AMPD3: variants seen among roughly 807,000 people sequenced by gnomAD.
AMPD3 encodes adenosine monophosphate deaminase 3.
AMPD3 carries 57 observed loss-of-function variants against 82.3 expected under a neutral mutation model. That is an observed-to-expected ratio of 0.69 (90% CI 0.56 to 0.86). The LOEUF is 0.86. Ranked by LOEUF, AMPD3 falls within the 40% of genes least tolerant of loss-of-function variation. AMPD3 has a pLI of 0.00. For synonymous variants in AMPD3, 381 were observed against 394.7 expected (o/e 0.97, Z 0.41); for missense variants, 870 against 1,003.8 (o/e 0.87, Z 1.80).
At chr11:10,500,275 G>A (rs1310269317) in intron 11 of AMPD3, 26 bp downstream of exon 11, 3 of 1,613,840 alleles carry the variant, frequency 1.9e-6, no homozygotes, top group East Asian at 2.2e-5. Context: ...CCTCGCACAT[G>A]CTTGGGTTCA....
chr11:10,502,302 C>T, intron 12 of AMPD3: 1 of 985,430 alleles, frequency 1.0e-6, no homozygotes, highest in South Asian at 4.7e-5. Flanking sequence ...CTCCCAGGAG[C>T]TGGAGTGTTT....
intron 11 of AMPD3, 194 bp downstream of exon 11, chr11:10,500,443 T>G: frequency 1.8e-6 from 1 of 548,686 alleles, no homozygotes; most frequent in Non-Finnish European, 2.3e-6. Context: ...CTCCACATGA[T>G]CACACACATG....
In AMPD3 at chr11:10,456,281, C is replaced by T. The variant is rs1237860867; in HGVS notation, c.-6+833C>T. Reference sequence around the variant, plus strand: ...GAGACCTCCTACTCCAGCCGGCAGACAGGACCCAGCCAGCTGCACGCACGC... The same window carrying T: ...GAGACCTCCTACTCCAGCCGGCAGATAGGACCCAGCCAGCTGCACGCACGC... On this transcript the variant is annotated intron_variant, in intron 1 of 14. Transcript: ENST00000396553. This position sits in a 1 kb window ranked among gnomAD's most constrained non-coding sequence, Gnocchi z 4.3. 11 of 1,582,136 alleles carry T rather than the reference C, an allele frequency of 7.0e-6. No individual in the cohort carries two copies. In the East Asian group the frequency reaches 1.4e-4, roughly 19 times the overall value.
intron 4 of AMPD3, chr11:10,484,060 G>A (rs544270518): frequency 1.3e-3 from 203 of 157,606 alleles, no homozygotes; most frequent in African/African-American, 4.7e-3. Flanking sequence ...GTGCATTACT[G>A]TTTATGAAGA....
chr11:10,497,768 G>T (rs915966742), intron 10 of AMPD3: 96 of 985,154 alleles, frequency 9.7e-5, no homozygotes, highest in African/African-American at 1.7e-4. Flanking sequence ...CTGGAGACAG[G>T]AGGGGAGCTT....
At chr11:10,482,334 A>G (rs7937988) in intron 4 of AMPD3, 109 bp downstream of exon 4, 1,295,831 of 1,296,318 alleles carry the variant, frequency 1, 647,672 homozygotes, top group Middle Eastern at 1. Flanking sequence ...TAAAATGACA[A>G]TGTTCTTTCA....
In AMPD3 at chr11:10,505,837, CTGTCTGATG is replaced by C; in HGVS notation, c.2258_2266del (p.Leu753_Ala756delinsPro). On this transcript the variant is annotated inframe_deletion, in exon 15 of 15. Coordinates refer to ENST00000396553, the MANE Select transcript of AMPD3 (RefSeq NM_001025389.2). Reference sequence around the variant, plus strand: ...GACCTTATGCAATGAGCTCAGCTTCCTGTCTGATGCTATGAAATCAGAAGAGATCACCGC... The same window carrying C: ...GACCTTATGCAATGAGCTCAGCTTCCCTATGAAATCAGAAGAGATCACCGC... The C allele has an allele frequency of 1.2e-6, 2 of 1,614,192 alleles. No individual in the cohort carries two copies. The highest frequency in any genetic ancestry group is 1.7e-6 in the Non-Finnish European group (2 of 1,180,034).
Position 10,456,395 on chromosome 11 carries a change from A to G in AMPD3, c.-6+947A>G. On this transcript the variant is annotated intron_variant, in intron 1 of 14. Coordinates refer to ENST00000396553, the MANE Select transcript of AMPD3 (RefSeq NM_001025389.2). The surrounding 1 kb of genome is among the most constrained non-coding windows in gnomAD (Gnocchi z 4.3). Reference sequence around the variant, plus strand: ...CATCTTCAGGACCAGTCATGGAGCCAGGCTCAGGTCTGTGTCGGGGCTTCT... The same window carrying G: ...CATCTTCAGGACCAGTCATGGAGCCGGGCTCAGGTCTGTGTCGGGGCTTCT... 1 of 1,613,818 alleles carries G rather than the reference A, an allele frequency of 6.2e-7. No individual in the cohort carries two copies.
intron 6 of AMPD3, among the ~76,000 whole-genome samples, chr11:10,492,828 G>A (rs1304464606): frequency 2.0e-5 from 3 of 152,156 alleles, no homozygotes; most frequent in African/African-American, 4.8e-5. Flanking sequence ...CTCCCAAATG[G>A]AGGAGGTTGT....
intron 2 of AMPD3, among the ~76,000 whole-genome samples, chr11:10,473,033 G>C (rs1376668305): frequency 6.6e-6 from 1 of 152,124 alleles, no homozygotes; most frequent in Non-Finnish European, 1.5e-5. Flanking sequence ...AGATTGGGAA[G>C]CCGAGGTGGG....
At chr11:10,484,276 T>C in intron 4 of AMPD3, 3 of 985,376 alleles carry the variant, frequency 3.0e-6, no homozygotes, top group Non-Finnish European at 3.6e-6. Context: ...ATCATTGGCA[T>C]TCTCTGCTCT....
At chr11:10,474,915 G>A (rs749809119) in intron 2 of AMPD3, among the ~76,000 whole-genome samples, 2 of 152,214 alleles carry the variant, frequency 1.3e-5, no homozygotes, top group African/African-American at 2.4e-5. Flanking sequence ...TGGACAGACA[G>A]ACCTTGGCCC....
intron 1 of AMPD3, 72 bp downstream of exon 1, chr11:10,455,520 T>G: frequency 7.7e-6 from 6 of 775,142 alleles, no homozygotes; most frequent in African/African-American, 1.9e-5. Context: ...TGTGTGTGGA[T>G]GGGGGTGGGG....
chr11:10,469,045 G>C (rs1487246738), intron 2 of AMPD3, among the ~76,000 whole-genome samples: 1 of 152,184 alleles, frequency 6.6e-6, no homozygotes, highest in Non-Finnish European at 1.5e-5. Context: ...AAGCAGGAAA[G>C]ATCTAAAATC....
chr11:10,496,903 C>A lies in AMPD3; in HGVS notation c.1522C>A (p.Gln508Lys). Reference protein sequence around the residue: ...LPLFKATINPQDHRELHLFLK... With the variant: ...LPLFKATINPKDHRELHLFLK... Reference sequence around the variant, plus strand: ...CCTTTTCAAGGCCACTATCAACCCCCAAGATCATCGAGAGCTTCACCTCTT... The same window carrying A: ...CCTTTTCAAGGCCACTATCAACCCCAAAGATCATCGAGAGCTTCACCTCTT... The change falls in exon 10 of 15, where the codon CAA becomes AAA. Residue 508 changes from glutamine to lysine, a missense_variant. Transcript: ENST00000396553. 1 of 1,614,116 alleles carries A rather than the reference C, an allele frequency of 6.2e-7. No homozygotes were observed. The highest frequency in any genetic ancestry group is 8.5e-7 in the Non-Finnish European group (1 of 1,179,996).
chr11:10,456,682 T>G lies in AMPD3; in HGVS notation c.-6+1234T>G. The G allele has an allele frequency of 1.1e-6, 1 of 904,126 alleles. No homozygotes were observed. Among genetic ancestry groups the G allele is most frequent in the Non-Finnish European group, 1.3e-6 (1 of 755,712 alleles). The allele number at this position is 904,126 out of a possible 1,614,324, so 56.0% of individuals were successfully genotyped here. ...AGCTAAGCCTCCCAAGCCTGCTGGC[T>G]TCAGCTGACAAAGGGTTGGAAGCCA... On this transcript the variant is annotated intron_variant, in intron 1 of 14. Transcript: ENST00000396553. This position sits in a 1 kb window ranked among gnomAD's most constrained non-coding sequence, Gnocchi z 4.3.
upstream of AMPD3, among the ~76,000 whole-genome samples, chr11:10,451,318 T>C (rs1241485058): frequency 6.6e-6 from 1 of 152,166 alleles, no homozygotes; most frequent in Non-Finnish European, 1.5e-5. Context: ...TCGCAAGGTT[T>C]AGAGAAATTA....
intron 14 of AMPD3, chr11:10,505,121 A>G (rs1849681669): frequency 1.0e-6 from 1 of 985,206 alleles, no homozygotes; most frequent in African/African-American, 1.7e-5. Context: ...CTGAATAAAA[A>G]TCTAGACTAT....
chr11:10,496,451 G>C (rs907064340), intron 9 of AMPD3: 3 of 985,284 alleles, frequency 3.0e-6, no homozygotes, highest in Admixed American at 6.2e-5. Flanking sequence ...GGATGGGCTG[G>C]GGTATGTGGT....
Sources: gnomAD v4.1 joint callset for allele counts (sites outside exome capture counted in the v4.1 genomes callset) on GRCh38, gnomAD v4.1.1 for gene constraint, Gnocchi (gnomAD v3.1) non-coding constraint, MANE v1.5 for transcripts, NCBI Gene and HGNC (gene_info 2026-07-23, HGNC 2026-07-21) for gene names.